The following NR5A2 variants were observed in gnomAD, a reference collection of about 807,000 sequenced individuals.
The protein encoded by NR5A2 is nuclear receptor subfamily 5 group A member 2, also known as CYP7A promoter-binding factor.
Under a neutral mutation model 62.7 loss-of-function variants are expected in NR5A2, and 26 were observed. That is an observed-to-expected ratio of 0.41 (90% CI 0.30 to 0.58). NR5A2 has a LOEUF of 0.58. NR5A2 is among the 20% of genes least tolerant of loss of function. The probability of loss-of-function intolerance (pLI) is 0.22; values close to 1 mark genes in which losing one functional copy is unlikely to be tolerated. For missense variants in NR5A2, 541 were observed against 669.1 expected (o/e 0.81, Z 2.11); for synonymous variants, 246 against 241.7 (o/e 1.02, Z -0.16).
chr1:200,149,337 T>G (rs1441759197), intron 7 of NR5A2, among the ~76,000 whole-genome samples: 1 of 152,126 alleles, frequency 6.6e-6, no homozygotes, highest in African/African-American at 2.4e-5. Flanking sequence ...TGGCCAAAGG[T>G]GTTTCCCACA....
chr1:200,090,877 G>A (rs1052153619), intron 5 of NR5A2, among the ~76,000 whole-genome samples: 1 of 152,088 alleles, frequency 6.6e-6, no homozygotes, highest in African/African-American at 2.4e-5. Flanking sequence ...TCACATTCAC[G>A]TACACAATAA....
chr1:200,037,544 C>T (rs557327141), intron 1 of NR5A2, among the ~76,000 whole-genome samples: 1 of 152,344 alleles, frequency 6.6e-6, no homozygotes, highest in Non-Finnish European at 1.5e-5. Context: ...GCAACCACTG[C>T]AGTGAGCCCT....
intron 1 of NR5A2, among the ~76,000 whole-genome samples, chr1:200,031,517 AAAAACAAAAC>A (rs532330778): frequency 2.8e-4 from 43 of 152,040 alleles, no homozygotes; most frequent in Non-Finnish European, 5.0e-4. Context: ...CCTATCTCAA[AAAAACAAAAC>A]AAAACAAAAC....
chr1:200,142,073 C>T (rs1189468744), intron 7 of NR5A2, among the ~76,000 whole-genome samples: 1 of 151,884 alleles, frequency 6.6e-6, no homozygotes, highest in African/African-American at 2.4e-5. Context: ...AGCTTTTTTC[C>T]CCCTTTTATC....
In NR5A2 at chr1:200,130,306, GAAGAAGAAGAAGAAGA is replaced by G. The variant is rs1298165075; in HGVS notation, c.1378+9354_1378+9369del. ...AGAAGAAGAAGAAGAAGAAGAAGAA[GAAGAAGAAGAAGAAGA>G]AAAAAAAAATCCAACAGAGAAATTT... On this transcript the variant is annotated intron_variant, in intron 7 of 7. Coordinates refer to ENST00000367362, the MANE Select transcript of NR5A2 (RefSeq NM_205860.3). 4.6e-3 allele frequency among the ~76,000 whole-genome samples: 39 copies of G among 8,414 alleles called. 1 individual carries two copies. The highest frequency in any genetic ancestry group is 0.013 in the Admixed American group (6 of 452). 5.5% of individuals were successfully genotyped at this position (8,414 alleles called of 152,430 possible). A position where few individuals can be genotyped will look rare whatever the true frequency, so the allele number is the denominator to read the frequency against.
intron 7 of NR5A2, among the ~76,000 whole-genome samples, chr1:200,169,516 G>A (rs1654074129): frequency 6.6e-6 from 1 of 152,184 alleles, no homozygotes; most frequent in African/African-American, 2.4e-5. Flanking sequence ...GAGCCTGAAT[G>A]TTGTGTGTGA....
At chr1:200,082,434 T>C (rs1284736759) in intron 5 of NR5A2, among the ~76,000 whole-genome samples, 1 of 152,226 alleles carries the variant, frequency 6.6e-6, no homozygotes, top group East Asian at 1.9e-4. Context: ...ATTGGTGTCT[T>C]TGTACAGAGT....
intron 1 of NR5A2, among the ~76,000 whole-genome samples, chr1:200,037,566 CCTTT>C (rs574703007): frequency 6.6e-5 from 10 of 152,280 alleles, no homozygotes; most frequent in East Asian, 5.8e-4. Flanking sequence ...AAACTGACTC[CCTTT>C]CTTTATTTTC....
chr1:200,076,856 A>G (rs1664064392), intron 5 of NR5A2, among the ~76,000 whole-genome samples: 1 of 152,182 alleles, frequency 6.6e-6, no homozygotes. Flanking sequence ...AAATATTACA[A>G]AGGAACTTCC....
chr1:200,156,950 T>C (rs17675868), intron 7 of NR5A2, among the ~76,000 whole-genome samples: 1,570 of 152,270 alleles, frequency 0.01, 9 homozygotes, highest in Non-Finnish European at 0.016. Context: ...GGAGCATCTA[T>C]ATTGCCGACA....
At position 200,174,232 on chromosome 1, in the gene NR5A2, G is replaced by A; in HGVS notation, c.*22G>A. 6.7e-7 allele frequency: 1 copy of A among 1,500,094 alleles called. No homozygotes were observed. Among genetic ancestry groups the A allele is most frequent in the Non-Finnish European group, 8.9e-7 (1 of 1,121,988 alleles). The allele number at this position is 1,500,094 out of a possible 1,614,324, so 92.9% of individuals were successfully genotyped here. On this transcript the variant is annotated 3_prime_UTR_variant, in exon 8 of 8. Transcript: ENST00000367362. Reference sequence around the variant, plus strand: ...ATAAGTTACAACCCCTAGGAGCTCTGCTTTCAAAACAAAAAGAGATTGGGG... The same window carrying A: ...ATAAGTTACAACCCCTAGGAGCTCTACTTTCAAAACAAAAAGAGATTGGGG...
intron 7 of NR5A2, among the ~76,000 whole-genome samples, chr1:200,123,892 C>T (rs1032391094): frequency 2.6e-5 from 4 of 151,628 alleles, no homozygotes; most frequent in African/African-American, 4.9e-5. Flanking sequence ...ACCTCCGCCT[C>T]CTGGGTTCAA....
At chr1:200,080,527 A>G (rs959290767) in intron 5 of NR5A2, among the ~76,000 whole-genome samples, 4 of 152,194 alleles carry the variant, frequency 2.6e-5, no homozygotes, top group African/African-American at 9.6e-5. Flanking sequence ...AGCATTAAGG[A>G]AAAATGAGCT....
chr1:200,093,065 A>G (rs1236485647), intron 5 of NR5A2, among the ~76,000 whole-genome samples: 1 of 151,300 alleles, frequency 6.6e-6, no homozygotes, highest in Non-Finnish European at 1.5e-5. Flanking sequence ...TGTATTTTGT[A>G]TTTTTAGTAC....
intron 7 of NR5A2, among the ~76,000 whole-genome samples, chr1:200,136,168 C>G (rs1406999723): frequency 6.6e-6 from 1 of 152,040 alleles, no homozygotes; most frequent in Non-Finnish European, 1.5e-5. Flanking sequence ...AATGGCTAGG[C>G]TCACACCTGC....
At chr1:200,108,425 G>T (rs1356615026) in intron 5 of NR5A2, among the ~76,000 whole-genome samples, 1 of 151,952 alleles carries the variant, frequency 6.6e-6, no homozygotes, top group Non-Finnish European at 1.5e-5. Flanking sequence ...TCTGTTCATG[G>T]CCAGAAGATA....
At chr1:200,103,297 G>A (rs1177651926) in intron 5 of NR5A2, among the ~76,000 whole-genome samples, 4 of 151,772 alleles carry the variant, frequency 2.6e-5, no homozygotes, top group Admixed American at 2.6e-4. Context: ...CTAATTTTTT[G>A]TATTTTTGGT....
chr1:200,032,647 G>A (rs1358415672), intron 1 of NR5A2, among the ~76,000 whole-genome samples: 1 of 151,980 alleles, frequency 6.6e-6, no homozygotes, highest in South Asian at 2.1e-4. Context: ...GAAGCTAAGG[G>A]GAAAGACAAA....
intron 5 of NR5A2, among the ~76,000 whole-genome samples, chr1:200,067,662 A>G (rs2821391): frequency 0.35 from 53,422 of 152,044 alleles, 10,199 homozygotes; most frequent in African/African-American, 0.51. Flanking sequence ...AGCAGAAAAG[A>G]TAACTACAGG....
Sources: gnomAD v4.1 joint callset for allele counts (sites outside exome capture counted in the v4.1 genomes callset) on GRCh38, gnomAD v4.1.1 for gene constraint, MANE v1.5 for transcripts, NCBI Gene and HGNC (gene_info 2026-07-23, HGNC 2026-07-21) for gene names.